Variants in PCM1 observed in about 807,000 individuals in gnomAD.
PCM1 encodes pericentriolar material 1, also known as pericentriolar material 1 protein.
A neutral mutation model predicts 241.9 loss-of-function variants in PCM1; 157 were observed. That is an observed-to-expected ratio of 0.65 (90% CI 0.57 to 0.74). The LOEUF (loss-of-function observed/expected upper bound fraction) is 0.74, where lower values mean the gene tolerates loss of function less well. PCM1 is among the 30% of genes least tolerant of loss of function. The pLI is 0.00. For synonymous variants in PCM1, 1,085 were observed against 784.9 expected, an observed-to-expected ratio of 1.38 and a Z score of -6.39; for missense variants, 3,478 against 2,360.1, an observed-to-expected ratio of 1.47 and a Z score of -9.81.
rs772407334 is a variant in PCM1 at position 17,993,640 on chromosome 8, A to G, written c.4827+21A>G. On this transcript the variant is annotated intron_variant, in intron 29 of 38. Transcript: ENST00000325083. ...TGAAGGTAAGCAATTATTTTAAAAA[A>G]TAAACGAAACCTTCTATGTTTTGTT... 3.9e-6 allele frequency: 6 copies of G among 1,554,422 alleles called. No homozygotes were observed. The Admixed American group carries it at 9.7e-5, about 25-fold the overall frequency.
At chr8:17,951,082 C>A (rs2065843355) in intron 8 of PCM1, among the ~76,000 whole-genome samples, 1 of 152,192 alleles carries the variant, frequency 6.6e-6, no homozygotes, top group Non-Finnish European at 1.5e-5. Context: ...TGCTTTAAAT[C>A]TGTGTCCTTC....
At chr8:18,026,069 C>T (rs1423019314) in intron 38 of PCM1, among the ~76,000 whole-genome samples, 1 of 135,226 alleles carries the variant, frequency 7.4e-6, no homozygotes, top group African/African-American at 2.7e-5. Flanking sequence ...GAGGCTGAGG[C>T]AGGAGAATGG....
At chr8:17,977,651 G>A (rs1025400410) in intron 23 of PCM1, among the ~76,000 whole-genome samples, 1 of 152,142 alleles carries the variant, frequency 6.6e-6, no homozygotes, top group Admixed American at 6.5e-5. Flanking sequence ...TTTTGCTACT[G>A]CAAGCTACTA....
intron 9 of PCM1, among the ~76,000 whole-genome samples, chr8:17,954,071 GCTAGTCTCTTTCTCCTCTA>G (rs2067094323): frequency 6.6e-6 from 1 of 152,118 alleles, no homozygotes; most frequent in South Asian, 2.1e-4. Flanking sequence ...TCTGACTTCT[GCTAGTCTCTTTCTCCTCTA>G]GAGTATAATC....
At chr8:18,021,738 C>G (rs2093770766) in intron 36 of PCM1, among the ~76,000 whole-genome samples, 1 of 152,152 alleles carries the variant, frequency 6.6e-6, no homozygotes, top group Non-Finnish European at 1.5e-5. Context: ...GCTGGATTAC[C>G]TTGGCCAAAA....
In PCM1 at chr8:17,969,738, G is replaced by C. The variant is rs769038844; in HGVS notation, c.3574G>C (p.Glu1192Gln). The stretch of plus-strand genomic sequence containing the variant: ...TGAAAGCAGTTCCTCTATTGGAGCA[G>C]AGAAACCAAGGTACTGATTGTAAAC... ...PFESSSSIGA[E>Q]KPRNKKLPEE... is the part of the protein sequence containing the mutation. The change falls in exon 22 of 39, where the codon GAG becomes CAG. Residue 1192 changes from glutamate to glutamine, a missense_variant. Transcript: ENST00000325083. 5.3e-6 allele frequency: 8 copies of C among 1,523,114 alleles called. No homozygotes were observed. In the African/African-American group the frequency reaches 1.3e-4, roughly 25 times the overall value. The allele number at this position is 1,523,114 out of a possible 1,614,324, so 94.3% of individuals were successfully genotyped here.
At chr8:18,008,830 C>G (rs1018623505) in intron 30 of PCM1, among the ~76,000 whole-genome samples, 2 of 152,070 alleles carry the variant, frequency 1.3e-5, no homozygotes, top group African/African-American at 4.8e-5. Context: ...ATTTACAGAA[C>G]AAGAACAGTG....
At position 17,935,748 on chromosome 8, in the gene PCM1, T is replaced by A. The variant is rs767073325; in HGVS notation, c.96+42T>A. ...TTCATGGTGTGTTGTTGGCTATTAA[T>A]GTTAAAATGCAGTTTTCCCCCTGAC... On this transcript the variant is annotated intron_variant, in intron 3 of 38. Transcript: ENST00000325083. 11 of 936,560 alleles carry A rather than the reference T, an allele frequency of 1.2e-5. No homozygotes were observed. In the East Asian group the frequency reaches 2.7e-4, roughly 23 times the overall value. 58.0% of individuals were successfully genotyped at this position (936,560 alleles called of 1,614,324 possible). A position where few individuals can be genotyped will look rare whatever the true frequency, so the allele number is the denominator to read the frequency against.
In PCM1 at chr8:17,948,821, G is replaced by A. The variant is rs559349923; in HGVS notation, c.961+1458G>A. Among the ~76,000 whole-genome samples the A allele has an allele frequency of 8.1e-4, 124 of 152,258 alleles. 1 individual carries two copies. The highest frequency in any genetic ancestry group is 2.8e-3 in the African/African-American group (118 of 41,548). ...GACTAACCTTTTAAATATTTTTCGA[G>A]TTTGGAATATCAGATTTAAAAGCTT... On this transcript the variant is annotated intron_variant, in intron 7 of 38. Coordinates refer to ENST00000325083, the MANE Select transcript of PCM1 (RefSeq NM_006197.4).
At position 17,950,827 on chromosome 8, in the gene PCM1, G is replaced by A. The variant is rs2129458323; in HGVS notation, c.1071+103G>A. On this transcript the variant is annotated intron_variant, in intron 8 of 38. Coordinates refer to ENST00000325083, the MANE Select transcript of PCM1 (RefSeq NM_006197.4). ...ATACATATCACCTGGCATGATTGTT[G>A]AGCAGTGTAGGTTTCTGATTGGTGG... 5.5e-6 allele frequency: 4 copies of A among 729,508 alleles called. No homozygotes were observed. In the East Asian group the frequency reaches 8.2e-5, roughly 15 times the overall value. The allele number at this position is 729,508 out of a possible 1,614,324, so 45.2% of individuals were successfully genotyped here.
chr8:17,974,048 A>G (rs1045412263), intron 23 of PCM1, among the ~76,000 whole-genome samples: 2 of 152,190 alleles, frequency 1.3e-5, no homozygotes, highest in African/African-American at 4.8e-5. Flanking sequence ...GAAGAATCTG[A>G]CGGATGGTTT....
At position 17,953,202 on chromosome 8, in the gene PCM1, T is replaced by C. The variant is rs376168454; in HGVS notation, c.1288+16T>C. The C allele has an allele frequency of 2.9e-5, 40 of 1,402,620 alleles. No homozygotes were observed. In the African/African-American group the frequency reaches 5.5e-4, roughly 19 times the overall value. The allele number at this position is 1,402,620 out of a possible 1,614,324, so 86.9% of individuals were successfully genotyped here. A position where few individuals can be genotyped will look rare whatever the true frequency, so the allele number is the denominator to read the frequency against. ...AATTCATCATGTGAGTAAATCTGGT[T>C]CAGCAGTATTGGGTATAAGACACAC... is the stretch of plus-strand genomic sequence containing the variant. On this transcript the variant is annotated intron_variant, in intron 9 of 38. Coordinates refer to ENST00000325083, the MANE Select transcript of PCM1 (RefSeq NM_006197.4).
chr8:18,027,321 G>C (rs1184283503), intron 38 of PCM1, among the ~76,000 whole-genome samples: 2 of 152,154 alleles, frequency 1.3e-5, no homozygotes, highest in Non-Finnish European at 2.9e-5. Flanking sequence ...GTAATTTGTT[G>C]ATATCCCCTC....
intron 30 of PCM1, among the ~76,000 whole-genome samples, chr8:18,007,112 A>T (rs1178298173): frequency 6.6e-6 from 1 of 152,230 alleles, no homozygotes; most frequent in Non-Finnish European, 1.5e-5. Context: ...TATGACAAAC[A>T]TCTTTACCTT....
intron 29 of PCM1, among the ~76,000 whole-genome samples, chr8:17,996,287 A>C (rs1410569476): frequency 1.3e-5 from 2 of 152,110 alleles, no homozygotes; most frequent in African/African-American, 4.8e-5. Context: ...CATCAGTTAA[A>C]ATGATCATAT....
Position 18,006,433 on chromosome 8 carries a change from A to G in PCM1, c.4962+36A>G, listed in dbSNP as rs1318279354. 2.7e-6 allele frequency: 4 copies of G among 1,504,530 alleles called. No homozygotes were observed. In the African/African-American group the frequency reaches 5.5e-5, roughly 21 times the overall value. The allele number at this position is 1,504,530 out of a possible 1,614,324, so 93.2% of individuals were successfully genotyped here. On this transcript the variant is annotated intron_variant, in intron 30 of 38. Coordinates refer to ENST00000325083, the MANE Select transcript of PCM1 (RefSeq NM_006197.4). ...ATACTTGTATGATTTACCAATATGT[A>G]CTGTGTGGTAAGGTTTTTTTTCGGG...
At chr8:17,931,194 C>T (rs1017538572) in intron 2 of PCM1, among the ~76,000 whole-genome samples, 3 of 152,058 alleles carry the variant, frequency 2.0e-5, no homozygotes, top group Admixed American at 6.5e-5. Flanking sequence ...TGTTCAAAGT[C>T]GTTAGCCAGA....
intron 13 of PCM1, among the ~76,000 whole-genome samples, chr8:17,958,983 A>T (rs558378775): frequency 2.7e-4 from 41 of 152,276 alleles, no homozygotes; most frequent in African/African-American, 9.1e-4. Context: ...TGGCTTCCCA[A>T]AGTGCTCAGA....
At chr8:17,966,893 C>A (rs2075086404) in intron 20 of PCM1, 87 bp from the exon 21 acceptor site, 3 of 1,250,506 alleles carry the variant, frequency 2.4e-6, no homozygotes, top group East Asian at 5.1e-5. Context: ...GCTTTTGAAT[C>A]ATTTTTTTAC....
Sources: allele counts gnomAD v4.1 joint callset (sites outside exome capture counted in the v4.1 genomes callset), GRCh38; gene constraint gnomAD v4.1.1; transcripts MANE v1.5; gene names NCBI Gene and HGNC (gene_info 2026-07-23, HGNC 2026-07-21).